Variants in BABAM2 observed in about 807,000 individuals in gnomAD.
BABAM2 encodes BRISC and BRCA1 A complex member 2, also known as BRISC and BRCA1-A complex member 2.
A neutral mutation model predicts 54.7 loss-of-function variants in BABAM2; 31 were observed. That is an observed-to-expected ratio of 0.57 (90% CI 0.43 to 0.77). The LOEUF (loss-of-function observed/expected upper bound fraction) is 0.77. Among genes scored for constraint, BABAM2 ranks in the 30% least tolerant of loss-of-function variants. The probability of loss-of-function intolerance (pLI) is 0.00; values close to 1 mark genes in which losing one functional copy is unlikely to be tolerated. For synonymous variants in BABAM2, 167 were observed against 162.9 expected (o/e 1.03, Z -0.19); for missense variants, 364 against 455.8 (o/e 0.80, Z 1.83).
chr2:28,149,350 G>A (rs750927651), intron 7 of BABAM2, among the ~76,000 whole-genome samples: 5 of 152,060 alleles, frequency 3.3e-5, no homozygotes, highest in Non-Finnish European at 2.9e-5. Context: ...TCATTCCCCC[G>A]TCTTGTTGTC....
chr2:28,204,001 G>A (rs1332715746), intron 7 of BABAM2, among the ~76,000 whole-genome samples: 4 of 152,112 alleles, frequency 2.6e-5, no homozygotes, highest in African/African-American at 7.2e-5. Flanking sequence ...CAATCATTAC[G>A]ATATCTTGCT....
intron 3 of BABAM2, among the ~76,000 whole-genome samples, chr2:27,948,559 T>C (rs1459112074): frequency 6.6e-6 from 1 of 152,112 alleles, no homozygotes; most frequent in Non-Finnish European, 1.5e-5. Context: ...TCACCTGAGG[T>C]CAGGAGTTAG....
intron 3 of BABAM2, among the ~76,000 whole-genome samples, chr2:27,980,904 T>C (rs1270658662): frequency 6.6e-6 from 1 of 152,118 alleles, no homozygotes; most frequent in South Asian, 2.1e-4. Flanking sequence ...ATTGGAATTT[T>C]CTTAACACAA....
chr2:28,258,888 T>A (rs754374615), intron 10 of BABAM2, among the ~76,000 whole-genome samples: 7 of 151,850 alleles, frequency 4.6e-5, no homozygotes, highest in Non-Finnish European at 8.8e-5. Context: ...GCAGTTCTCC[T>A]GCCTCAGCCT....
intron 7 of BABAM2, among the ~76,000 whole-genome samples, chr2:28,231,403 G>A (rs1475175233): frequency 2.0e-5 from 3 of 152,192 alleles, no homozygotes; most frequent in African/African-American, 7.2e-5. Context: ...CAAGTCCTTA[G>A]ACATAGTTAG....
intron 7 of BABAM2, among the ~76,000 whole-genome samples, chr2:28,179,895 A>T (rs1675431994): frequency 6.6e-6 from 1 of 152,158 alleles, no homozygotes; most frequent in Admixed American, 6.5e-5. Context: ...TATACCTAGG[A>T]ATAAATTTAA....
At chr2:28,230,761 G>T (rs1158035778) in intron 7 of BABAM2, among the ~76,000 whole-genome samples, 2 of 151,292 alleles carry the variant, frequency 1.3e-5, no homozygotes, top group Non-Finnish European at 1.5e-5. Flanking sequence ...CAAAACTGGA[G>T]CCTCTCCTTA....
chr2:28,220,618 CAA>C (rs60569384), intron 7 of BABAM2, among the ~76,000 whole-genome samples: 2 of 151,134 alleles, frequency 1.3e-5, no homozygotes, highest in African/African-American at 4.9e-5. Context: ...CAATACCAAC[CAA>C]AAAAAAAATA....
At position 27,965,708 on chromosome 2, in the gene BABAM2, ATGTG is replaced by A. The variant is rs761390116; in HGVS notation, c.206-22278_206-22275del. Among the ~76,000 whole-genome samples the A allele has an allele frequency of 6.3e-4, 96 of 152,236 alleles. 1 individual carries two copies. Among genetic ancestry groups the A allele is most frequent in the Non-Finnish European group, 1.2e-3 (80 of 68,006 alleles). On this transcript the variant is annotated intron_variant, in intron 3 of 11. Transcript: ENST00000379624. ...ACATATACAAACATACATATGTAAAATGTGTGTGTGCTTTACAGTTGTGTGGATA... is the reference window on the plus strand; with the variant it reads ...ACATATACAAACATACATATGTAAAATGTGTGCTTTACAGTTGTGTGGATA...
intron 7 of BABAM2, among the ~76,000 whole-genome samples, chr2:28,179,283 G>A (rs1169284499): frequency 1.3e-5 from 2 of 152,098 alleles, no homozygotes; most frequent in Non-Finnish European, 2.9e-5. Flanking sequence ...AGGTAATGTA[G>A]CATGATTAAG....
intron 3 of BABAM2, among the ~76,000 whole-genome samples, chr2:27,966,929 A>G (rs1436981867): frequency 6.6e-6 from 1 of 152,176 alleles, no homozygotes; most frequent in Non-Finnish European, 1.5e-5. Flanking sequence ...ATCTTATGGC[A>G]TTGATCTTTA....
chr2:28,191,138 A>G (rs1676862072), intron 7 of BABAM2, among the ~76,000 whole-genome samples: 1 of 152,244 alleles, frequency 6.6e-6, no homozygotes, highest in South Asian at 2.1e-4. Context: ...GCTTAATACA[A>G]TTTAGGCAAA....
chr2:28,274,737 A>T (rs575550610), intron 10 of BABAM2, among the ~76,000 whole-genome samples: 15 of 152,230 alleles, frequency 9.9e-5, no homozygotes, highest in Non-Finnish European at 2.1e-4. Flanking sequence ...CTGAAATGGG[A>T]GAGCTGAGTG....
At chr2:28,112,147 TTACCTCCC>T (rs1186911020) in intron 6 of BABAM2, among the ~76,000 whole-genome samples, 69 of 5,232 alleles carry the variant, frequency 0.013, 5 homozygotes, top group African/African-American at 0.042. Context: ...CTTTCTTTCT[TTACCTCCC>T]TCCCTCCCTC....
chr2:28,068,567 AAC>A (rs1663835359), intron 6 of BABAM2, among the ~76,000 whole-genome samples: 1 of 152,224 alleles, frequency 6.6e-6, no homozygotes, highest in African/African-American at 2.4e-5. Flanking sequence ...GAAAAATAAA[AAC>A]ACAAAATGTT....
At chr2:27,933,990 T>G (rs141141866) in intron 3 of BABAM2, among the ~76,000 whole-genome samples, 2 of 152,188 alleles carry the variant, frequency 1.3e-5, no homozygotes, top group East Asian at 1.9e-4. Flanking sequence ...TAAAAGGGCA[T>G]AGTATTCACA....
At chr2:27,890,356 T>C (rs761807527), upstream of BABAM2, 2 of 1,612,170 alleles carry the variant, frequency 1.2e-6, no homozygotes, top group Non-Finnish European at 1.7e-6. The surrounding 1 kb of genome is among the most constrained non-coding windows in gnomAD (Gnocchi z 4.8). Flanking sequence ...CGCTCAAAGG[T>C]GCTGCTGTCC....
chr2:28,140,298 A>G (rs969014025), intron 7 of BABAM2, among the ~76,000 whole-genome samples: 3 of 152,234 alleles, frequency 2.0e-5, no homozygotes, highest in Non-Finnish European at 4.4e-5. Flanking sequence ...GTTATAAAAC[A>G]GATGGTCATC....
At chr2:28,330,960 T>A (rs1335810741) in intron 11 of BABAM2, among the ~76,000 whole-genome samples, 2 of 152,218 alleles carry the variant, frequency 1.3e-5, no homozygotes, top group Non-Finnish European at 2.9e-5. Context: ...GGCATGGTAC[T>A]GGTACAAAAA....
Sources: gnomAD v4.1 joint callset for allele counts (sites outside exome capture counted in the v4.1 genomes callset) on GRCh38, gnomAD v4.1.1 for gene constraint, Gnocchi (gnomAD v3.1) non-coding constraint, MANE v1.5 for transcripts, NCBI Gene and HGNC (gene_info 2026-07-23, HGNC 2026-07-21) for gene names.